Variants in DENND1B observed in about 807,000 individuals in gnomAD.
The protein encoded by DENND1B is DENN domain-containing protein 1B.
In DENND1B, 59 loss-of-function variants were observed where a neutral mutation model predicts 90.1. The ratio of observed to expected loss-of-function variants is 0.65; its 90% CI spans 0.53 to 0.81. The LOEUF is 0.81. DENND1B is among the 40% of genes least tolerant of loss of function. DENND1B has a pLI of 0.00. For synonymous variants in DENND1B, 337 were observed against 324.6 expected, an observed-to-expected ratio of 1.04 and a Z score of -0.41; for missense variants, 862 against 912.6, an observed-to-expected ratio of 0.94 and a Z score of 0.71.
chr1:197,625,062 G>A (rs1053181540), intron 10 of DENND1B, among the ~76,000 whole-genome samples: 13 of 152,078 alleles, frequency 8.5e-5, no homozygotes, highest in African/African-American at 3.1e-4. Context: ...GGAAGTGACA[G>A]GGAGAATGGA....
At chr1:197,733,384 T>C (rs1662327795) in intron 2 of DENND1B, among the ~76,000 whole-genome samples, 1 of 152,328 alleles carries the variant, frequency 6.6e-6, no homozygotes, top group East Asian at 1.9e-4. Flanking sequence ...GATGAATGTT[T>C]CTCCTGTTAT....
chr1:197,672,056 T>C lies in DENND1B; in HGVS notation c.277A>G (p.Ile93Val), dbSNP rs756861665. 4.8e-5 allele frequency: 78 copies of C among 1,612,108 alleles called. No individual in the cohort carries two copies. Among genetic ancestry groups the C allele is most frequent in the Non-Finnish European group, 6.2e-5 (73 of 1,178,964 alleles). The change falls in exon 5 of 23, where the codon ATT becomes GTT. Residue 93 changes from isoleucine to valine, a missense_variant. Ile to Val is a conservative substitution (Grantham distance 29, BLOSUM62 3). Transcript: ENST00000620048. ...ACTCACCTAAGGATGCATAAACAAA[T>C]TGTGCCTCCTGACGTCAGTCTGCAG... Reference protein sequence around the residue: ...GFCRLTSGGTICLCILSYLPW... With the variant: ...GFCRLTSGGTVCLCILSYLPW...
At chr1:197,584,363 G>A (rs779971262) in intron 14 of DENND1B, among the ~76,000 whole-genome samples, 26 of 152,134 alleles carry the variant, frequency 1.7e-4, no homozygotes, top group Admixed American at 4.6e-4. Flanking sequence ...ATGTAGCTAT[G>A]TAAATGTAAA....
At position 197,595,239 on chromosome 1, in the gene DENND1B, C is replaced by G; in HGVS notation, c.1016G>C (p.Gly339Ala). 1 of 1,613,228 alleles carries G rather than the reference C, an allele frequency of 6.2e-7. No homozygotes were observed. The highest frequency in any genetic ancestry group is 8.5e-7 in the Non-Finnish European group (1 of 1,179,376). ...GTATCTCAGTGCATCTCTGTAGGATCCAAACAAAGCAGCCTGTGCTCTAAG... is the reference window on the plus strand; with the variant it reads ...GTATCTCAGTGCATCTCTGTAGGATGCAAACAAAGCAGCCTGTGCTCTAAG... ...AFLRAQAALF[G>A]SYRDALRYKP... Residue 339 changes from glycine to alanine, a missense_variant, in exon 14 of 23, where the codon GGA (glycine) becomes GCA (alanine). Coordinates refer to ENST00000620048, the MANE Select transcript of DENND1B (RefSeq NM_001195215.2).
At chr1:197,560,958 C>A (rs1672111787) in intron 15 of DENND1B, among the ~76,000 whole-genome samples, 1 of 151,868 alleles carries the variant, frequency 6.6e-6, no homozygotes, top group Admixed American at 6.6e-5. Flanking sequence ...CTACCTCACC[C>A]ATCTGCGCTC....
intron 15 of DENND1B, among the ~76,000 whole-genome samples, chr1:197,554,643 T>A (rs928135651): frequency 6.6e-6 from 1 of 151,572 alleles, no homozygotes; most frequent in Non-Finnish European, 1.5e-5. Context: ...ATCGAGACCA[T>A]CCTAGCCAAC....
intron 2 of DENND1B, among the ~76,000 whole-genome samples, chr1:197,730,599 T>G (rs992177728): frequency 1.6e-4 from 24 of 152,118 alleles, no homozygotes; most frequent in African/African-American, 5.1e-4. Flanking sequence ...AAGAAAAAAT[T>G]CTTTACGGTT....
At chr1:197,639,283 C>T (rs1680071149) in intron 10 of DENND1B, among the ~76,000 whole-genome samples, 2 of 152,002 alleles carry the variant, frequency 1.3e-5, no homozygotes, top group Non-Finnish European at 2.9e-5. Context: ...AGGCTGGTCT[C>T]GAACTCCTGA....
chr1:197,655,255 TGG>T (rs1653681803), intron 6 of DENND1B, among the ~76,000 whole-genome samples: 1 of 152,180 alleles, frequency 6.6e-6, no homozygotes, highest in Non-Finnish European at 1.5e-5. Context: ...AATTATAAAA[TGG>T]AGAGCCAAAA....
chr1:197,580,649 T>C (rs1026066837), intron 15 of DENND1B, among the ~76,000 whole-genome samples: 1 of 152,150 alleles, frequency 6.6e-6, no homozygotes, highest in Non-Finnish European at 1.5e-5. Flanking sequence ...CAGACTGACA[T>C]GTGGTTATTT....
chr1:197,566,148 C>T (rs1244809133), intron 15 of DENND1B, among the ~76,000 whole-genome samples: 1 of 151,908 alleles, frequency 6.6e-6, no homozygotes, highest in African/African-American at 2.4e-5. Flanking sequence ...CTCTCCAGCA[C>T]CTGTTGTTTC....
chr1:197,556,814 A>G (rs1325407820), intron 15 of DENND1B, among the ~76,000 whole-genome samples: 3 of 151,966 alleles, frequency 2.0e-5, no homozygotes, highest in Non-Finnish European at 2.9e-5. Context: ...GCTAAATAAT[A>G]AAGTCCACTT....
At chr1:197,597,213 A>C (rs949847925) in intron 13 of DENND1B, among the ~76,000 whole-genome samples, 54 of 151,962 alleles carry the variant, frequency 3.6e-4, no homozygotes, top group African/African-American at 1.3e-3. Context: ...AATAATTACA[A>C]AAATAAATCT....
chr1:197,607,282 G>A, intron 12 of DENND1B, 108 bp from the exon 13 acceptor site: 4 of 639,262 alleles, frequency 6.3e-6, no homozygotes, highest in Non-Finnish European at 7.1e-6. Flanking sequence ...CTTGGGAAAA[G>A]AAAAAAGGAA....
intron 1 of DENND1B, 95 bp downstream of exon 1, chr1:197,775,044 G>T: frequency 1.1e-6 from 1 of 896,080 alleles, no homozygotes; most frequent in Non-Finnish European, 1.5e-6. Flanking sequence ...CGCCCGGGGA[G>T]CCGGTTGAGC....
intron 2 of DENND1B, among the ~76,000 whole-genome samples, chr1:197,720,958 T>G (rs1163354648): frequency 2.0e-5 from 3 of 152,286 alleles, no homozygotes; most frequent in Admixed American, 1.3e-4. Context: ...TTTTATCATC[T>G]TCTTAAAGGT....
chr1:197,650,895 A>G (rs1426943066), intron 7 of DENND1B, among the ~76,000 whole-genome samples: 5 of 152,142 alleles, frequency 3.3e-5, no homozygotes, highest in Admixed American at 6.5e-5. Flanking sequence ...TAAGGGATAA[A>G]AGACTACGAA....
intron 3 of DENND1B, among the ~76,000 whole-genome samples, chr1:197,675,115 CAA>C (rs1207007701): frequency 3.3e-5 from 5 of 151,992 alleles, no homozygotes; most frequent in African/African-American, 1.2e-4. Flanking sequence ...TTTTACAAGA[CAA>C]AGAATTTTAT....
chr1:197,736,019 C>A, intron 2 of DENND1B: 1 of 988,664 alleles, frequency 1.0e-6, no homozygotes, highest in Non-Finnish European at 1.6e-6. Context: ...ACTGCAATGG[C>A]TGCTGTTAAG....
Sources: gnomAD v4.1 joint callset for allele counts (sites outside exome capture counted in the v4.1 genomes callset) on GRCh38, gnomAD v4.1.1 for gene constraint, MANE v1.5 for transcripts, NCBI Gene and HGNC (gene_info 2026-07-23, HGNC 2026-07-21) for gene names.